GABRA2: variants seen among roughly 807,000 people sequenced by gnomAD.
GABRA2 encodes the protein gamma-aminobutyric acid type A receptor subunit alpha2, also known as gamma-aminobutyric acid receptor subunit alpha-2.
Under a neutral mutation model 48.7 loss-of-function variants are expected in GABRA2, and 16 were observed. The ratio of observed to expected loss-of-function variants is 0.33; its 90% confidence interval spans 0.22 to 0.50. The LOEUF is 0.50. Among genes scored for constraint, GABRA2 ranks in the 20% least tolerant of loss-of-function variants. GABRA2 has a pLI of 0.98. For missense variants in GABRA2, 275 were observed against 535.6 expected (o/e 0.51, Z 4.80); for synonymous variants, 185 against 184.5 (o/e 1.00, Z -0.02).
chr4:46,331,586 A>G (rs1418309932), intron 4 of GABRA2, among the ~76,000 whole-genome samples: 1 of 152,202 alleles, frequency 6.6e-6, no homozygotes, highest in African/African-American at 2.4e-5. Context: ...TGTCTATTAC[A>G]GAGCACCATA....
In GABRA2 at chr4:46,245,178, G is replaced by A. The variant is rs1307138627; in HGVS notation, c.*5130C>T. On this transcript the variant is annotated 3_prime_UTR_variant, in exon 10 of 10. Coordinates refer to ENST00000381620, the MANE Select transcript of GABRA2 (RefSeq NM_000807.4). ...CTGTGAGGACTGAATGAACTAATATGCATAAAAAACTTAGAACGTTGACTA... is the reference window on the plus strand; with the variant it reads ...CTGTGAGGACTGAATGAACTAATATACATAAAAAACTTAGAACGTTGACTA... Among the ~76,000 whole-genome samples, 1 of 151,168 alleles carries A rather than the reference G, an allele frequency of 6.6e-6. No individual in the cohort carries two copies. Among genetic ancestry groups the A allele is most frequent in the Non-Finnish European group, 1.5e-5 (1 of 67,444 alleles).
intron 3 of GABRA2, among the ~76,000 whole-genome samples, chr4:46,337,516 CTT>C (rs1244447972): frequency 6.6e-6 from 1 of 151,884 alleles, no homozygotes; most frequent in African/African-American, 2.4e-5. Context: ...CACTGAAAGA[CTT>C]TGGCTTGGAG....
At chr4:46,362,380 C>A (rs1215461201) in intron 3 of GABRA2, among the ~76,000 whole-genome samples, 1 of 152,122 alleles carries the variant, frequency 6.6e-6, no homozygotes, top group Non-Finnish European at 1.5e-5. Flanking sequence ...GATTACAAGG[C>A]CTCCCCAGCC....
In GABRA2 at chr4:46,278,835, C is replaced by G. The variant is rs370043166; in HGVS notation, c.857-16707G>C. On this transcript the variant is annotated intron_variant, in intron 8 of 9. Transcript: ENST00000381620. The stretch of plus-strand genomic sequence containing the variant: ...GTTCCAGAGTAGAATTAAATGTTAA[C>G]AGTAGAGATTAGACGATGGTGAGGG... 1.1e-4 allele frequency among the ~76,000 whole-genome samples: 17 copies of G among 151,570 alleles called. 1 individual carries two copies. Among genetic ancestry groups the G allele is most frequent in the African/African-American group, 4.1e-4 (17 of 41,324 alleles).
At chr4:46,384,038 A>G (rs1307496967) in intron 3 of GABRA2, among the ~76,000 whole-genome samples, 2 of 152,186 alleles carry the variant, frequency 1.3e-5, no homozygotes, top group African/African-American at 4.8e-5. Flanking sequence ...CTTTTTGTTT[A>G]TATAATCAAC....
At chr4:46,314,635 C>T (rs555966948) in intron 4 of GABRA2, among the ~76,000 whole-genome samples, 58 of 152,042 alleles carry the variant, frequency 3.8e-4, no homozygotes, top group Non-Finnish European at 6.9e-4. Flanking sequence ...CCTTGACCTC[C>T]TCCCTCCCCG....
At chr4:46,277,045 C>T (rs913380691) in intron 8 of GABRA2, among the ~76,000 whole-genome samples, 1 of 151,852 alleles carries the variant, frequency 6.6e-6, no homozygotes, top group Non-Finnish European at 1.5e-5. Context: ...CTTTTAATTC[C>T]CCCCTATGTC....
chr4:46,366,282 T>TA (rs1714022328), intron 3 of GABRA2: 1 of 152,122 alleles, frequency 6.6e-6, no homozygotes, highest in Non-Finnish European at 1.5e-5. Flanking sequence ...AGTCTGGATA[T>TA]ACGTCAAACT....
chr4:46,383,363 C>T lies in GABRA2; in HGVS notation c.187+2711G>A, dbSNP rs78754996. Among the ~76,000 whole-genome samples the T allele has an allele frequency of 1.6e-3, 249 of 152,206 alleles. 3 individuals carry two copies. In the East Asian group the frequency reaches 0.046, roughly 28 times the overall value. On this transcript the variant is annotated intron_variant, in intron 3 of 9. Coordinates refer to ENST00000381620, the MANE Select transcript of GABRA2 (RefSeq NM_000807.4). The stretch of plus-strand genomic sequence containing the variant: ...AAAGCAAAGTTCTCTTCATTAAGAG[C>T]GATACTCAACATACCACCTCAACAT...
intron 6 of GABRA2, among the ~76,000 whole-genome samples, chr4:46,309,402 G>T (rs1727247682): frequency 6.6e-6 from 1 of 152,022 alleles, no homozygotes; most frequent in Non-Finnish European, 1.5e-5. Context: ...AGATGAGGGT[G>T]CCAAAAAGAG....
At chr4:46,370,440 A>T (rs1714711792) in intron 3 of GABRA2, among the ~76,000 whole-genome samples, 1 of 152,114 alleles carries the variant, frequency 6.6e-6, no homozygotes, top group African/African-American at 2.4e-5. Context: ...AGGAAAAAGG[A>T]GTTTTCAAGT....
At chr4:46,263,705 A>C (rs1717513491) in intron 8 of GABRA2, among the ~76,000 whole-genome samples, 1 of 152,018 alleles carries the variant, frequency 6.6e-6, no homozygotes, top group Non-Finnish European at 1.5e-5. Context: ...AGTTTTCTTC[A>C]AGATTGTTTT....
At chr4:46,374,196 A>T (rs1294220255) in intron 3 of GABRA2, among the ~76,000 whole-genome samples, 1 of 152,184 alleles carries the variant, frequency 6.6e-6, no homozygotes, top group Non-Finnish European at 1.5e-5. Context: ...CCAACCAAAA[A>T]ATCTTAGTAA....
chr4:46,369,567 G>A (rs1458499660), intron 3 of GABRA2, among the ~76,000 whole-genome samples: 2 of 151,898 alleles, frequency 1.3e-5, no homozygotes, highest in Non-Finnish European at 2.9e-5. Flanking sequence ...ACAGTTTTAG[G>A]TGGCAGAATT....
intron 3 of GABRA2, among the ~76,000 whole-genome samples, chr4:46,347,252 T>C (rs571315775): frequency 6.6e-6 from 1 of 152,028 alleles, no homozygotes; most frequent in East Asian, 1.9e-4. Context: ...TCTTAAAACT[T>C]GTATAAAATG....
At chr4:46,377,160 G>A (rs565092633) in intron 3 of GABRA2, among the ~76,000 whole-genome samples, 57 of 151,538 alleles carry the variant, frequency 3.8e-4, no homozygotes, top group Non-Finnish European at 3.8e-4. Flanking sequence ...CCGCCACCCC[G>A]TCTGGGAAGT....
intron 3 of GABRA2, among the ~76,000 whole-genome samples, chr4:46,348,940 A>T (rs942843111): frequency 5.6e-4 from 13 of 23,316 alleles, no homozygotes; most frequent in South Asian, 5.1e-3. Flanking sequence ...ATAAAATTTA[A>T]AAAAAAAGAA....
intron 3 of GABRA2, among the ~76,000 whole-genome samples, chr4:46,334,962 T>G (rs13104628): frequency 0.072 from 11,015 of 152,148 alleles, 862 homozygotes; most frequent in African/African-American, 0.2. Context: ...TTTGGTTTTT[T>G]TGGTCAGATT....
At chr4:46,263,633 C>G (rs1195353980) in intron 8 of GABRA2, among the ~76,000 whole-genome samples, 1 of 152,006 alleles carries the variant, frequency 6.6e-6, no homozygotes, top group Non-Finnish European at 1.5e-5. Context: ...ATGACTATAG[C>G]TTTAAATTAA....
Sources: allele counts gnomAD v4.1 joint callset (sites outside exome capture counted in the v4.1 genomes callset), GRCh38; gene constraint gnomAD v4.1.1; transcripts MANE v1.5; gene names NCBI Gene and HGNC (gene_info 2026-07-23, HGNC 2026-07-21).